The following ATG16L1 variants were observed in gnomAD, a reference collection of about 807,000 sequenced individuals.
ATG16L1 encodes the protein autophagy related 16 like 1, also known as autophagy-related protein 16-1.
In ATG16L1, 37 loss-of-function variants were observed where a neutral mutation model predicts 88.5. The ratio of observed to expected loss-of-function variants is 0.42; its 90% CI spans 0.32 to 0.55. The LOEUF (loss-of-function observed/expected upper bound fraction) is 0.55, where lower values mean the gene tolerates loss of function less well. Among genes scored for constraint, ATG16L1 ranks in the 20% least tolerant of loss-of-function variants. The pLI is 0.13. For missense variants in ATG16L1, 554 were observed against 752.8 expected, an observed-to-expected ratio of 0.74 and a Z score of 3.09; for synonymous variants, 301 against 281.0, an observed-to-expected ratio of 1.07 and a Z score of -0.71.
intron 3 of ATG16L1, 106 bp downstream of exon 3, chr2:233,263,341 A>AT: frequency 1.0e-6 from 1 of 975,528 alleles, no homozygotes; most frequent in East Asian, 2.6e-5. Context: ...AGCCTTAGCC[A>AT]TATGTGGCAT....
intron 2 of ATG16L1, among the ~76,000 whole-genome samples, chr2:233,260,914 C>T (rs1697162835): frequency 6.6e-6 from 1 of 152,138 alleles, no homozygotes; most frequent in African/African-American, 2.4e-5. Flanking sequence ...CACTTTCCAT[C>T]GTCACTCTTT....
intron 12 of ATG16L1, among the ~76,000 whole-genome samples, chr2:233,284,874 G>A (rs1213569497): frequency 1.3e-5 from 2 of 152,188 alleles, no homozygotes. Context: ...TAGATTATTA[G>A]TATTAGATGC....
At chr2:233,256,318 T>G in intron 2 of ATG16L1, 123 bp downstream of exon 2, 1 of 796,322 alleles carries the variant, frequency 1.3e-6, no homozygotes, top group Non-Finnish European at 2.0e-6. Context: ...TTTTGTCAGC[T>G]CCTTTCAAAT....
intron 8 of ATG16L1, 79 bp from the exon 9 acceptor site, chr2:233,274,597 T>C (rs893958594): frequency 9.0e-7 from 1 of 1,107,788 alleles, no homozygotes; most frequent in Non-Finnish European, 1.3e-6. Flanking sequence ...CAAGGTCGTC[T>C]TGGAGTCCTT....
chr2:233,285,130 G>A (rs898300095), intron 12 of ATG16L1, among the ~76,000 whole-genome samples: 2 of 152,208 alleles, frequency 1.3e-5, no homozygotes, highest in African/African-American at 4.8e-5. Flanking sequence ...ACATGGAAAA[G>A]ATGGCCTAGC....
At chr2:233,252,959 A>G (rs1696487133) in intron 1 of ATG16L1, among the ~76,000 whole-genome samples, 1 of 152,228 alleles carries the variant, frequency 6.6e-6, no homozygotes, top group Admixed American at 6.5e-5. Context: ...GTGCAAAATC[A>G]GTAGTTCTCA....
intron 6 of ATG16L1, 128 bp from the exon 7 acceptor site, chr2:233,272,838 T>G (rs943421284): frequency 5.1e-5 from 38 of 747,418 alleles, no homozygotes; most frequent in Admixed American, 1.6e-4. Context: ...CTCCAAAGAA[T>G]CTTTAACGCA....
chr2:233,281,460 C>T, intron 11 of ATG16L1, among the ~76,000 whole-genome samples: 1 of 151,952 alleles, frequency 6.6e-6, no homozygotes, highest in East Asian at 1.9e-4. Context: ...ACTCCAGGGG[C>T]CAGCGTGGTC....
At chr2:233,263,263 C>A in intron 3 of ATG16L1, 28 bp downstream of exon 3, 1 of 1,592,298 alleles carries the variant, frequency 6.3e-7, no homozygotes, top group South Asian at 1.1e-5. Context: ...CCTCATCTGT[C>A]TTCTGCCCTC....
intron 6 of ATG16L1, among the ~76,000 whole-genome samples, chr2:233,272,161 G>A (rs1698040548): frequency 6.6e-6 from 1 of 152,156 alleles, no homozygotes. Context: ...TTGCATCTCA[G>A]TAGGAGGTCA....
At chr2:233,282,899 A>G in intron 12 of ATG16L1, 146 bp downstream of exon 12, 2 of 670,194 alleles carry the variant, frequency 3.0e-6, no homozygotes, top group Non-Finnish European at 2.6e-6. Flanking sequence ...TCCTTGGGGA[A>G]ATCTGTGTTT....
At chr2:233,261,705 C>G (rs1490182980) in intron 2 of ATG16L1, among the ~76,000 whole-genome samples, 7 of 152,108 alleles carry the variant, frequency 4.6e-5, no homozygotes, top group Non-Finnish European at 1.0e-4. Flanking sequence ...TTCCTTTTCT[C>G]CATCTACAAG....
At chr2:233,288,761 C>T (rs780003268) in intron 12 of ATG16L1, 2 of 519,210 alleles carry the variant, frequency 3.9e-6, no homozygotes, top group East Asian at 5.4e-5. Flanking sequence ...CTCCATCGCA[C>T]TTCAGAAGTG....
At chr2:233,277,509 G>T in intron 9 of ATG16L1, 59 bp from the exon 10 acceptor site, 1 of 1,488,934 alleles carries the variant, frequency 6.7e-7, no homozygotes, top group South Asian at 1.1e-5. Flanking sequence ...GAGTGTTCGC[G>T]CATCTTGAGC....
chr2:233,294,549 C>T lies in ATG16L1; in HGVS notation c.*199C>T, dbSNP rs1408404446. 3 of 456,436 alleles carry T rather than the reference C, an allele frequency of 6.6e-6. No individual in the cohort carries two copies. Among genetic ancestry groups the T allele is most frequent in the Non-Finnish European group, 7.8e-6 (2 of 255,286 alleles). 28.3% of individuals were successfully genotyped at this position (456,436 alleles called of 1,614,324 possible). Reference sequence around the variant, plus strand: ...GGTCTCTCTTGGCCTGGAAGAATAACACTGAAAAAACCTGACGCTGCGGTC... The same window carrying T: ...GGTCTCTCTTGGCCTGGAAGAATAATACTGAAAAAACCTGACGCTGCGGTC... On this transcript the variant is annotated 3_prime_UTR_variant, in exon 18 of 18. Coordinates refer to ENST00000392017, the MANE Select transcript of ATG16L1 (RefSeq NM_030803.7).
At chr2:233,273,345 A>G (rs894397333) in intron 7 of ATG16L1, 3 of 496,256 alleles carry the variant, frequency 6.0e-6, no homozygotes, top group African/African-American at 5.8e-5. Flanking sequence ...TTTAGGTTTG[A>G]TCATCCTGTT....
intron 2 of ATG16L1, among the ~76,000 whole-genome samples, chr2:233,262,315 G>C (rs1232193396): frequency 6.6e-6 from 1 of 152,194 alleles, no homozygotes; most frequent in African/African-American, 2.4e-5. Flanking sequence ...TGGTCTTCCT[G>C]TTTCGGCCCT....
At chr2:233,265,290 A>G in intron 5 of ATG16L1, 147 bp downstream of exon 5, 1 of 1,029,834 alleles carries the variant, frequency 9.7e-7, no homozygotes, top group Non-Finnish European at 1.4e-6. Flanking sequence ...CTAATTCTGA[A>G]CAATATAAAT....
chr2:233,274,732 G>T lies in ATG16L1; in HGVS notation c.908G>T (p.Gly303Val). ...CAGGACAATGTGGATACTCATCCTG[G>T]TTCTGGTAAAGAAGTGAGGGTACCA... ...VPQDNVDTHPGSGKEVRVPAT... is the reference protein window; with the variant it reads ...VPQDNVDTHPVSGKEVRVPAT... Residue 303 changes from glycine (G) to valine (V), a missense_variant, in exon 9 of 18, where the codon GGT (glycine) becomes GTT (valine). By Grantham distance (109) the Gly-to-Val change is moderately radical. This residue lies in a region of ATG16L1 where 370 missense variants were observed against 509.7 expected (regional missense o/e 0.73). Transcript: ENST00000392017. 6.2e-7 allele frequency: 1 copy of T among 1,612,894 alleles called. No homozygotes were observed. Among genetic ancestry groups the T allele is most frequent in the Non-Finnish European group, 8.5e-7 (1 of 1,179,028 alleles).
Sources: gnomAD v4.1 joint callset for allele counts (sites outside exome capture counted in the v4.1 genomes callset) on GRCh38, gnomAD v4.1.1 for gene constraint, gnomAD v4.1.1 regional missense constraint, MANE v1.5 for transcripts, NCBI Gene and HGNC (gene_info 2026-07-23, HGNC 2026-07-21) for gene names.